Variants in DMD observed in about 807,000 individuals in gnomAD.
The protein encoded by DMD is dystrophin, also known as mutant dystrophin.
DMD carries 63 observed loss-of-function variants against 330.1 expected under a neutral mutation model. The observed-to-expected ratio is 0.19, with a 90% confidence interval of 0.16 to 0.24. The LOEUF is 0.24. Among genes scored for constraint, DMD ranks in the 10% least tolerant of loss-of-function variants. DMD has a pLI of 1.00. For missense variants in DMD, 3,344 were observed against 2,684.1 expected, an observed-to-expected ratio of 1.25 and a Z score of -5.43; for synonymous variants, 1,223 against 959.8, an observed-to-expected ratio of 1.27 and a Z score of -5.07.
intron 60 of DMD, among the ~76,000 whole-genome samples, chrX:31,413,873 A>G (rs1818566895): frequency 9.0e-6 from 1 of 111,555 alleles, no homozygotes; most frequent in Admixed American, 9.5e-5. Flanking sequence ...GTAAAAAAAA[A>G]AAAAAAGCCT....
At chrX:32,833,431 G>GA (rs754570544) in intron 4 of DMD, among the ~76,000 whole-genome samples, 551 of 110,246 alleles carry the variant, frequency 5.0e-3, no homozygotes, top group Non-Finnish European at 8.0e-3. Context: ...AACTTTTTGG[G>GA]AAAGTAGCTC....
chrX:32,657,949 T>A (rs2060693336), intron 9 of DMD, among the ~76,000 whole-genome samples: 1 of 111,550 alleles, frequency 9.0e-6, no homozygotes, highest in Non-Finnish European at 1.9e-5. Flanking sequence ...GTAAACTGCT[T>A]TAGACAAGTG....
chrX:32,447,967 T>C (rs2098312556), intron 27 of DMD, among the ~76,000 whole-genome samples: 1 of 111,145 alleles, frequency 9.0e-6, no homozygotes, highest in Admixed American at 9.6e-5. Context: ...TTAGGTAACA[T>C]GTCTAACAAA....
chrX:32,083,772 C>T (rs752453297), intron 44 of DMD, among the ~76,000 whole-genome samples: 2 of 112,502 alleles, frequency 1.8e-5, no homozygotes, highest in Non-Finnish European at 3.8e-5. Context: ...TGAAAATTAA[C>T]ATTTCATTTA....
At chrX:32,885,537 G>A (rs750298102) in intron 2 of DMD, among the ~76,000 whole-genome samples, 1 of 111,091 alleles carries the variant, frequency 9.0e-6, no homozygotes, top group Admixed American at 9.6e-5. Context: ...ATAAACTACT[G>A]GTATAAGTGA....
intron 49 of DMD, among the ~76,000 whole-genome samples, chrX:31,824,217 T>G (rs1449622982): frequency 9.0e-6 from 1 of 111,604 alleles, no homozygotes; most frequent in East Asian, 2.8e-4. Context: ...TGGGTATGTA[T>G]GTGAAAGAAA....
intron 12 of DMD, among the ~76,000 whole-genome samples, chrX:32,604,557 A>T (rs1264522524): frequency 9.0e-6 from 1 of 110,566 alleles, no homozygotes; most frequent in Admixed American, 9.7e-5. Flanking sequence ...TAGCTAGAGC[A>T]ATCAGGCAAG....
intron 1 of DMD, among the ~76,000 whole-genome samples, chrX:33,250,390 T>G (rs2052753888): frequency 9.1e-6 from 1 of 109,736 alleles, no homozygotes; most frequent in Non-Finnish European, 1.9e-5. Context: ...AATCTAATGC[T>G]GCCACTGATA....
intron 52 of DMD, among the ~76,000 whole-genome samples, chrX:31,717,404 T>C (rs184571816): frequency 1.2e-3 from 133 of 112,061 alleles, no homozygotes; most frequent in South Asian, 0.011. Context: ...GCTATGTCTC[T>C]TAAAGTACGT....
chrX:33,040,952 C>T (rs944309625), intron 1 of DMD, among the ~76,000 whole-genome samples: 1 of 111,996 alleles, frequency 8.9e-6, no homozygotes, highest in African/African-American at 3.2e-5. Flanking sequence ...ATAGATTCAT[C>T]TAGATACTAA....
chrX:31,264,801 C>T (rs1412342860), intron 62 of DMD, among the ~76,000 whole-genome samples: 1 of 112,318 alleles, frequency 8.9e-6, no homozygotes, highest in Non-Finnish European at 1.9e-5. Context: ...TCCTACCATA[C>T]AATTTAAATT....
At chrX:32,944,749 C>T (rs1178817874) in intron 2 of DMD, among the ~76,000 whole-genome samples, 4 of 109,367 alleles carry the variant, frequency 3.7e-5, no homozygotes, top group African/African-American at 1.0e-4. Flanking sequence ...GGATTACAGG[C>T]GCCTGCCATC....
chrX:32,576,535 A>G (rs2053070204), intron 13 of DMD, among the ~76,000 whole-genome samples: 1 of 110,876 alleles, frequency 9.0e-6, no homozygotes, highest in Non-Finnish European at 1.9e-5. Flanking sequence ...CAGCATGAAG[A>G]CGCTGGACAA....
intron 37 of DMD, among the ~76,000 whole-genome samples, chrX:32,360,800 AAATAATAAT>A (rs199527400): frequency 3.1e-5 from 3 of 95,953 alleles, no homozygotes; most frequent in African/African-American, 7.8e-5. Flanking sequence ...CACACACACA[AAATAATAAT>A]AATAATAATA....
intron 62 of DMD, among the ~76,000 whole-genome samples, chrX:31,275,222 T>C (rs1472685921): frequency 9.3e-6 from 1 of 107,667 alleles, no homozygotes; most frequent in East Asian, 2.9e-4. Context: ...ATATGAAGAG[T>C]TGAAACAAGT....
At chrX:32,030,133 T>G (rs1490621961) in intron 44 of DMD, among the ~76,000 whole-genome samples, 3 of 111,937 alleles carry the variant, frequency 2.7e-5, no homozygotes, top group African/African-American at 6.5e-5. Flanking sequence ...AAAATCAAAG[T>G]CAAAGATATA....
At chrX:32,101,514 T>C (rs1465604649) in intron 44 of DMD, among the ~76,000 whole-genome samples, 1 of 112,056 alleles carries the variant, frequency 8.9e-6, no homozygotes, top group Admixed American at 9.5e-5. Flanking sequence ...TGCAATTGGT[T>C]CCCAGAATTT....
intron 51 of DMD, among the ~76,000 whole-genome samples, chrX:31,765,942 A>G (rs2089965788): frequency 9.0e-6 from 1 of 111,389 alleles, no homozygotes; most frequent in South Asian, 3.8e-4. Context: ...TAACATTAAC[A>G]TTAGTTAACA....
chrX:31,943,080 A>C (rs1404127783), intron 45 of DMD, among the ~76,000 whole-genome samples: 1 of 112,529 alleles, frequency 8.9e-6, no homozygotes, highest in African/African-American at 3.2e-5. Flanking sequence ...GAACAGAGCT[A>C]CACTCATTCA....
Sources: gnomAD v4.1 joint callset for allele counts (sites outside exome capture counted in the v4.1 genomes callset) on GRCh38, gnomAD v4.1.1 for gene constraint, MANE v1.5 for transcripts, NCBI Gene and HGNC (gene_info 2026-07-23, HGNC 2026-07-21) for gene names.